Variants in ATP10B observed in about 807,000 individuals in gnomAD.
ATP10B encodes the protein ATPase phospholipid transporting 10B (putative), also known as phospholipid-transporting ATPase VB.
Under a neutral mutation model 141.2 loss-of-function variants are expected in ATP10B, and 122 were observed. That is an observed-to-expected ratio of 0.86 (90% CI 0.75 to 1.00). The LOEUF is 1.00. Among genes scored for constraint, ATP10B ranks in the 50% least tolerant of loss-of-function variants. The pLI is 0.00. For synonymous variants in ATP10B, 685 were observed against 692.0 expected (o/e 0.99, Z 0.16); for missense variants, 1,876 against 1,825.3 (o/e 1.03, Z -0.51).
At chr5:160,733,718 A>G (rs1041415153) in intron 2 of ATP10B, among the ~76,000 whole-genome samples, 1 of 151,568 alleles carries the variant, frequency 6.6e-6, no homozygotes, top group African/African-American at 2.4e-5. Flanking sequence ...TGTAACAGTG[A>G]TTTGAATAAG....
At chr5:160,733,744 GAAC>G (rs1766911408) in intron 2 of ATP10B, among the ~76,000 whole-genome samples, 2 of 149,806 alleles carry the variant, frequency 1.3e-5, no homozygotes, top group South Asian at 4.2e-4. Flanking sequence ...GAAATGATTA[GAAC>G]AACATGTTTA....
chr5:160,570,056 C>A (rs567106502), intron 24 of ATP10B, among the ~76,000 whole-genome samples: 1 of 152,054 alleles, frequency 6.6e-6, no homozygotes, highest in East Asian at 1.9e-4. Flanking sequence ...GTGTGATGAG[C>A]CCATTTTTTC....
chr5:160,707,402 G>A (rs982665843), intron 3 of ATP10B, among the ~76,000 whole-genome samples: 7 of 152,196 alleles, frequency 4.6e-5, no homozygotes, highest in African/African-American at 1.4e-4. Context: ...TAGGAACCCT[G>A]GTCTCTTGAT....
chr5:160,830,346 G>T (rs1366191111), intron 1 of ATP10B, among the ~76,000 whole-genome samples: 1 of 151,894 alleles, frequency 6.6e-6, no homozygotes, highest in Non-Finnish European at 1.5e-5. Flanking sequence ...TTTTTTAATT[G>T]CTGTGTGTTT....
intron 2 of ATP10B, among the ~76,000 whole-genome samples, chr5:160,738,015 G>T (rs1202806950): frequency 1.3e-5 from 2 of 151,948 alleles, no homozygotes; most frequent in East Asian, 3.9e-4. Context: ...GTTTTTTCAA[G>T]GATACATGCT....
intron 7 of ATP10B, among the ~76,000 whole-genome samples, chr5:160,651,310 AT>A (rs986862697): frequency 1.2e-4 from 18 of 151,984 alleles, no homozygotes; most frequent in African/African-American, 3.6e-4. Context: ...GTAGCTAAGT[AT>A]TTTTTTTAAA....
chr5:160,683,913 G>C (rs1763583290), intron 6 of ATP10B, among the ~76,000 whole-genome samples: 1 of 152,164 alleles, frequency 6.6e-6, no homozygotes, highest in South Asian at 2.1e-4. Flanking sequence ...GTCCTATCCT[G>C]ACAACCTAGT....
Position 160,602,594 on chromosome 5 carries a change from A to G in ATP10B, c.3346T>C (p.Tyr1116His). ...CTACTTACCACGTTCTTGTAGAGGTAGTACACCACCATCCTGGCCAGGCGC... is the reference window on the plus strand; with the variant it reads ...CTACTTACCACGTTCTTGTAGAGGTGGTACACCACCATCCTGGCCAGGCGC... The part of the protein sequence containing the change: ...YSRLARMVVY[Y>H]LYKNVCYVNL... Residue 1116 changes from tyrosine (Y) to histidine (H), a missense_variant, in exon 21 of 26, where the codon TAC becomes CAC. Transcript: ENST00000327245. 6.2e-7 allele frequency: 1 copy of G among 1,613,938 alleles called. No individual in the cohort carries two copies. Among genetic ancestry groups the G allele is most frequent in the South Asian group, 1.1e-5 (1 of 91,070 alleles).
At chr5:160,698,575 A>G (rs1472101616) in intron 3 of ATP10B, among the ~76,000 whole-genome samples, 1 of 152,182 alleles carries the variant, frequency 6.6e-6, no homozygotes, top group Non-Finnish European at 1.5e-5. Context: ...AGACATTTGG[A>G]CACATTGGTA....
At position 160,646,863 on chromosome 5, in the gene ATP10B, G is replaced by A. The variant is rs189330075; in HGVS notation, c.761+2308C>T. Among the ~76,000 whole-genome samples the A allele has an allele frequency of 2.0e-4, 30 of 152,236 alleles. 1 individual carries two copies. Among genetic ancestry groups the A allele is most frequent in the Admixed American group, 1.9e-3 (29 of 15,292 alleles). ...GGATGGTCTATTATACTTTTTATAG[G>A]CCAGCATTTCTCAACCTTGGTGTTA... is the stretch of plus-strand genomic sequence containing the variant. On this transcript the variant is annotated intron_variant, in intron 8 of 25. Transcript: ENST00000327245.
intron 13 of ATP10B, among the ~76,000 whole-genome samples, chr5:160,624,092 G>A (rs984574288): frequency 5.9e-5 from 9 of 152,118 alleles, no homozygotes; most frequent in African/African-American, 1.9e-4. Flanking sequence ...GCTAAATCAC[G>A]GTTTAGAAGA....
chr5:160,887,497 G>T, the ATP10B span, among the ~76,000 whole-genome samples: 1 of 152,192 alleles, frequency 6.6e-6, no homozygotes, highest in South Asian at 2.1e-4. Context: ...AAACACAAGT[G>T]AGACCTCATC....
chr5:160,849,641 A>ACACACACACACACACT (rs1355241101), intron 1 of ATP10B, among the ~76,000 whole-genome samples: 3 of 151,138 alleles, frequency 2.0e-5, no homozygotes, highest in Admixed American at 1.3e-4. Flanking sequence ...ACACACACAC[A>ACACACACACACACACT]CTCTTTTAAT....
chr5:160,762,177 G>C (rs751782550), intron 2 of ATP10B, among the ~76,000 whole-genome samples: 1 of 152,194 alleles, frequency 6.6e-6, no homozygotes, highest in Non-Finnish European at 1.5e-5. Context: ...CCCTGGTCTT[G>C]CTGGAGATCT....
intron 3 of ATP10B, among the ~76,000 whole-genome samples, chr5:160,693,547 G>C (rs750673421): frequency 3.3e-5 from 5 of 151,996 alleles, no homozygotes; most frequent in Non-Finnish European, 7.4e-5. Context: ...AGAGAGGTTG[G>C]GGAAGAGTGC....
At chr5:160,754,360 G>A (rs1427090588) in intron 2 of ATP10B, among the ~76,000 whole-genome samples, 2 of 152,034 alleles carry the variant, frequency 1.3e-5, no homozygotes, top group Admixed American at 6.5e-5. Context: ...ATGTGGCTCA[G>A]GATTTCACTG....
chr5:160,565,756 C>T lies in ATP10B; in HGVS notation c.4083G>A (p.Val1361=). 4 of 1,614,080 alleles carry T rather than the reference C, an allele frequency of 2.5e-6. No individual in the cohort carries two copies. Among genetic ancestry groups the T allele is most frequent in the Non-Finnish European group, 3.4e-6 (4 of 1,179,972 alleles). The change falls in exon 26 of 26, where the codon GTG becomes GTA. Residue 1361 remains valine (V), a synonymous_variant. Coordinates refer to ENST00000327245, the MANE Select transcript of ATP10B (RefSeq NM_025153.3). ...SRQRPAPVPE[V]ARPTHHPVSS... ...ACACTGGGTGGTGAGTTGGTCGAGC[C>T]ACTTCGGGGACAGGGGCAGGCCTCT...
chr5:160,811,444 C>A (rs1773145525), intron 1 of ATP10B, among the ~76,000 whole-genome samples: 1 of 152,004 alleles, frequency 6.6e-6, no homozygotes. Context: ...TAGAGGGGAG[C>A]CCAGTACTTG....
the ATP10B span, among the ~76,000 whole-genome samples, chr5:160,912,328 G>T: frequency 6.8e-6 from 1 of 147,842 alleles, no homozygotes; most frequent in East Asian, 2.1e-4. Context: ...TATAATCCCA[G>T]CACTTTGGGA....
Sources: allele counts gnomAD v4.1 joint callset (sites outside exome capture counted in the v4.1 genomes callset), GRCh38; gene constraint gnomAD v4.1.1; transcripts MANE v1.5; gene names NCBI Gene and HGNC (gene_info 2026-07-23, HGNC 2026-07-21).